The following TLL1 variants were observed in gnomAD, a reference collection of about 807,000 sequenced individuals.
TLL1 encodes tolloid-like protein 1.
A neutral mutation model predicts 128.2 loss-of-function variants in TLL1; 49 were observed. The ratio of observed to expected loss-of-function variants is 0.38; its 90% CI spans 0.30 to 0.48. TLL1 has a LOEUF of 0.48. TLL1 is among the 20% of genes least tolerant of loss of function. The probability of loss-of-function intolerance (pLI) is 0.96; values close to 1 mark genes in which losing one functional copy is unlikely to be tolerated. For synonymous variants in TLL1, 454 were observed against 418.8 expected (o/e 1.08, Z -1.03); for missense variants, 1,123 against 1,242.0 (o/e 0.90, Z 1.44).
chr4:166,001,593 G>A (rs1737153646), intron 5 of TLL1, among the ~76,000 whole-genome samples: 1 of 152,044 alleles, frequency 6.6e-6, no homozygotes. Flanking sequence ...GAGGTCAGGA[G>A]TTCAAGACCA....
At chr4:165,933,146 AT>A (rs781722222) in intron 1 of TLL1, among the ~76,000 whole-genome samples, 12 of 152,156 alleles carry the variant, frequency 7.9e-5, no homozygotes, top group Admixed American at 3.3e-4. Context: ...GATTGCAGTA[AT>A]GGGTACTTAA....
At chr4:166,056,991 T>C (rs564248867) in intron 13 of TLL1, among the ~76,000 whole-genome samples, 193 bp from the exon 14 acceptor site, 1 of 152,250 alleles carries the variant, frequency 6.6e-6, no homozygotes, top group African/African-American at 2.4e-5. Flanking sequence ...CTCATATATA[T>C]ATATAAGAAT....
intron 1 of TLL1, among the ~76,000 whole-genome samples, chr4:165,891,943 G>A (rs1731434051): frequency 6.6e-6 from 1 of 152,186 alleles, no homozygotes; most frequent in Non-Finnish European, 1.5e-5. Context: ...TGCTAAGAAA[G>A]ACAAACCTGA....
chr4:166,019,074 G>A (rs1738087388), intron 8 of TLL1, among the ~76,000 whole-genome samples: 2 of 152,100 alleles, frequency 1.3e-5, no homozygotes, highest in African/African-American at 4.8e-5. Context: ...TCAATGGTGG[G>A]TTGGATTTTT....
chr4:165,953,670 G>A (rs909075699), intron 1 of TLL1, among the ~76,000 whole-genome samples: 1 of 150,354 alleles, frequency 6.7e-6, no homozygotes, highest in East Asian at 2.0e-4. Context: ...CAAATGAATA[G>A]AGTGAATTTC....
chr4:166,084,358 C>G (rs988277820), intron 18 of TLL1, among the ~76,000 whole-genome samples: 19 of 152,100 alleles, frequency 1.2e-4, no homozygotes, highest in South Asian at 8.3e-4. Context: ...GTTGATTGCT[C>G]CCTTTCCTGT....
intron 12 of TLL1, among the ~76,000 whole-genome samples, chr4:166,048,403 C>A (rs920686058): frequency 1.8e-4 from 27 of 152,128 alleles, no homozygotes; most frequent in African/African-American, 5.3e-4. Flanking sequence ...GGTTTGTAAA[C>A]CACCCTATCT....
intron 19 of TLL1, among the ~76,000 whole-genome samples, chr4:166,092,128 C>G (rs1741803593): frequency 6.6e-6 from 1 of 151,994 alleles, no homozygotes; most frequent in South Asian, 2.1e-4. Context: ...ACGATTGATA[C>G]ACGGGAGAAA....
At chr4:165,901,479 T>A (rs1731985912) in intron 1 of TLL1, among the ~76,000 whole-genome samples, 1 of 152,224 alleles carries the variant, frequency 6.6e-6, no homozygotes, top group Admixed American at 6.5e-5. Flanking sequence ...GTTTGTTAGT[T>A]TTCCTTCTAA....
intron 1 of TLL1, among the ~76,000 whole-genome samples, chr4:165,956,954 A>G (rs1409567712): frequency 1.3e-5 from 2 of 152,100 alleles, no homozygotes; most frequent in Non-Finnish European, 2.9e-5. Flanking sequence ...TCACAATTGC[A>G]TCTACAAAAC....
intron 1 of TLL1, among the ~76,000 whole-genome samples, chr4:165,920,233 A>AAT (rs1732985376): frequency 2.0e-5 from 3 of 152,242 alleles, no homozygotes; most frequent in Non-Finnish European, 4.4e-5. Context: ...GAGAAAACTT[A>AAT]GAAAGTCTAA....
At chr4:165,936,954 A>G (rs184580264) in intron 1 of TLL1, among the ~76,000 whole-genome samples, 74 of 152,218 alleles carry the variant, frequency 4.9e-4, no homozygotes, top group African/African-American at 1.7e-3. Flanking sequence ...AAAAAACGAA[A>G]GACACCCAGA....
At chr4:165,977,709 C>T (rs539201244) in intron 1 of TLL1, among the ~76,000 whole-genome samples, 1 of 152,132 alleles carries the variant, frequency 6.6e-6, no homozygotes, top group East Asian at 1.9e-4. Flanking sequence ...AAAGCTTCTT[C>T]AATGAGAGAA....
At chr4:165,980,415 C>G (rs1336809603) in intron 1 of TLL1, among the ~76,000 whole-genome samples, 1 of 152,098 alleles carries the variant, frequency 6.6e-6, no homozygotes, top group Non-Finnish European at 1.5e-5. Flanking sequence ...ATAGCATATT[C>G]TTCTTGAATT....
chr4:165,873,627 C>T lies in TLL1; in HGVS notation c.-278C>T, dbSNP rs1730588912. 2 of 290,964 alleles carry T rather than the reference C, an allele frequency of 6.9e-6. No individual in the cohort carries two copies. The highest frequency in any genetic ancestry group is 5.9e-5 in the East Asian group (1 of 16,808). The allele number at this position is 290,964 out of a possible 1,614,324, so 18.0% of individuals were successfully genotyped here. ...GCCGCCAGAGCCGAGTTTGCCTGCG[C>T]CCTCCCCGCCTCCGAGTGCAGAGTT... On this transcript the variant is annotated 5_prime_UTR_variant, in exon 1 of 21. Coordinates refer to ENST00000061240, the MANE Select transcript of TLL1 (RefSeq NM_012464.5).
At chr4:166,056,509 A>G (rs1413702367) in intron 13 of TLL1, among the ~76,000 whole-genome samples, 1 of 152,038 alleles carries the variant, frequency 6.6e-6, no homozygotes, top group Admixed American at 6.6e-5. Flanking sequence ...AAGAAACACA[A>G]TGTTTTAAAT....
chr4:165,951,385 G>A (rs986048497), intron 1 of TLL1, among the ~76,000 whole-genome samples: 12 of 152,056 alleles, frequency 7.9e-5, no homozygotes, highest in Non-Finnish European at 1.3e-4. Flanking sequence ...GGGAATCTTC[G>A]ACTCAGACTG....
chr4:165,999,260 G>C (rs1737035829), intron 5 of TLL1, among the ~76,000 whole-genome samples: 2 of 152,092 alleles, frequency 1.3e-5, no homozygotes, highest in African/African-American at 2.4e-5. Context: ...GTATTAGTCT[G>C]TTTTCACACT....
chr4:165,904,757 C>A (rs1732169783), intron 1 of TLL1, among the ~76,000 whole-genome samples: 1 of 152,112 alleles, frequency 6.6e-6, no homozygotes. Context: ...CAATTCACAT[C>A]TTTGATGAAG....
Sources: allele counts gnomAD v4.1 joint callset (sites outside exome capture counted in the v4.1 genomes callset), GRCh38; gene constraint gnomAD v4.1.1; transcripts MANE v1.5; gene names NCBI Gene and HGNC (gene_info 2026-07-23, HGNC 2026-07-21).